The following INPP4B variants were observed in gnomAD, a reference collection of about 807,000 sequenced individuals.
INPP4B encodes the protein inositol polyphosphate-4-phosphatase type II B.
A neutral mutation model predicts 122.5 loss-of-function variants in INPP4B; 55 were observed. That is an observed-to-expected ratio of 0.45 (90% CI 0.36 to 0.56). The LOEUF (loss-of-function observed/expected upper bound fraction) is 0.56, where lower values mean the gene tolerates loss of function less well. INPP4B is among the 20% of genes least tolerant of loss of function. The probability of loss-of-function intolerance (pLI) is 0.00; values close to 1 mark genes in which losing one functional copy is unlikely to be tolerated. For synonymous variants in INPP4B, 403 were observed against 388.7 expected, an observed-to-expected ratio of 1.04 and a Z score of -0.43; for missense variants, 1,000 against 1,097.7, an observed-to-expected ratio of 0.91 and a Z score of 1.26.
chr4:142,317,014 T>C (rs1339521059), intron 7 of INPP4B, among the ~76,000 whole-genome samples: 1 of 152,138 alleles, frequency 6.6e-6, no homozygotes, highest in Non-Finnish European at 1.5e-5. Flanking sequence ...ATAATAGAAA[T>C]ATGGGCATTT....
At chr4:142,494,540 A>G (rs1203812653) in intron 2 of INPP4B, among the ~76,000 whole-genome samples, 1 of 151,930 alleles carries the variant, frequency 6.6e-6, no homozygotes, top group East Asian at 1.9e-4. Flanking sequence ...AATTCCCTCA[A>G]ATTGGAAAAT....
chr4:142,481,789 T>C (rs912448450), intron 2 of INPP4B, among the ~76,000 whole-genome samples: 2 of 152,144 alleles, frequency 1.3e-5, no homozygotes, highest in Non-Finnish European at 2.9e-5. Flanking sequence ...AGTGCAAATA[T>C]GTTATAATCT....
intron 1 of INPP4B, among the ~76,000 whole-genome samples, chr4:142,734,945 G>A (rs377219464): frequency 2.6e-5 from 4 of 152,010 alleles, no homozygotes; most frequent in African/African-American, 2.4e-5. Context: ...ATGCCTGGCC[G>A]ATTTTTTAAA....
intron 25 of INPP4B, chr4:142,030,028 A>C: frequency 2.2e-6 from 3 of 1,379,384 alleles, no homozygotes; most frequent in Non-Finnish European, 2.8e-6. Flanking sequence ...ACATTTTTTA[A>C]ATTCTGTGAA....
At chr4:142,133,207 T>C (rs949267856) in intron 18 of INPP4B, among the ~76,000 whole-genome samples, 3 of 152,172 alleles carry the variant, frequency 2.0e-5, no homozygotes, top group Non-Finnish European at 4.4e-5. Flanking sequence ...CTCTGTACAC[T>C]CAATCCCTGC....
intron 25 of INPP4B, among the ~76,000 whole-genome samples, chr4:142,078,142 C>G (rs116082546): frequency 0.011 from 1,641 of 151,052 alleles, 19 homozygotes; most frequent in African/African-American, 0.033. Context: ...TACCCGAAAG[C>G]CCCATCAGGA....
chr4:142,463,857 C>A (rs1817218134), intron 2 of INPP4B, among the ~76,000 whole-genome samples: 1 of 152,110 alleles, frequency 6.6e-6, no homozygotes, highest in African/African-American at 2.4e-5. Context: ...GAGGCCTCCC[C>A]AGCCCTGCAG....
At chr4:142,612,812 C>T (rs1388917887) in intron 2 of INPP4B, among the ~76,000 whole-genome samples, 2 of 152,074 alleles carry the variant, frequency 1.3e-5, no homozygotes, top group Admixed American at 6.6e-5. Context: ...GGATTTAACA[C>T]CCTATGAAAT....
chr4:142,782,028 A>T (rs1342631759), intron 1 of INPP4B, among the ~76,000 whole-genome samples: 4 of 151,832 alleles, frequency 2.6e-5, no homozygotes, highest in Admixed American at 2.0e-4. Flanking sequence ...CATGTGCACA[A>T]TGTGCAGGTT....
intron 15 of INPP4B, among the ~76,000 whole-genome samples, chr4:142,191,138 G>A (rs977734508): frequency 6.6e-5 from 10 of 152,156 alleles, no homozygotes; most frequent in African/African-American, 2.4e-4. Flanking sequence ...AAACATATAT[G>A]TCACCTATCA....
chr4:142,079,561 C>A (rs10519618), intron 25 of INPP4B, among the ~76,000 whole-genome samples: 2 of 151,820 alleles, frequency 1.3e-5, no homozygotes, highest in Admixed American at 1.3e-4. Context: ...GTTGTATGTG[C>A]GGTAGGAAAT....
intron 3 of INPP4B, among the ~76,000 whole-genome samples, chr4:142,436,365 G>T (rs1363317209): frequency 2.0e-5 from 3 of 152,130 alleles, no homozygotes; most frequent in Admixed American, 2.0e-4. Flanking sequence ...AGAAGAGCAG[G>T]TTTCCCTCCA....
chr4:142,338,857 G>A (rs1342177061), intron 7 of INPP4B, among the ~76,000 whole-genome samples: 1 of 152,098 alleles, frequency 6.6e-6, no homozygotes, highest in Non-Finnish European at 1.5e-5. Flanking sequence ...TCTGCCACTG[G>A]AGCACGGGCT....
chr4:142,222,435 C>A (rs554441584), intron 12 of INPP4B, among the ~76,000 whole-genome samples: 1 of 152,302 alleles, frequency 6.6e-6, no homozygotes, highest in East Asian at 1.9e-4. Flanking sequence ...GTCTAAGCCA[C>A]CATCATCAAA....
chr4:142,437,979 C>T (rs1449228483), intron 3 of INPP4B, among the ~76,000 whole-genome samples: 1 of 152,018 alleles, frequency 6.6e-6, no homozygotes, highest in East Asian at 1.9e-4. Flanking sequence ...CCTTCTCAAG[C>T]TATTTTAAAC....
intron 2 of INPP4B, among the ~76,000 whole-genome samples, chr4:142,527,714 T>C (rs1342787395): frequency 6.6e-6 from 1 of 152,070 alleles, no homozygotes; most frequent in Non-Finnish European, 1.5e-5. Context: ...TGAGATCATC[T>C]AGATTAGCAG....
At chr4:142,843,783 G>A (rs1206685980) in intron 1 of INPP4B, among the ~76,000 whole-genome samples, 1 of 151,776 alleles carries the variant, frequency 6.6e-6, no homozygotes, top group African/African-American at 2.4e-5. Flanking sequence ...CAGTTAGCAG[G>A]TTTTTTTTCT....
In INPP4B at chr4:142,111,854, CT is replaced by C. The variant is rs1309776871; in HGVS notation, c.2276+687del. 2.0e-5 allele frequency among the ~76,000 whole-genome samples: 3 copies of C among 152,188 alleles called. No homozygotes were observed. The East Asian group carries it at 5.8e-4, about 29-fold the overall frequency. On this transcript the variant is annotated intron_variant, in intron 22 of 25. Transcript: ENST00000262992. The stretch of plus-strand genomic sequence containing the variant: ...CATCTCCCGAGTTCAAAAAATTCTC[CT>C]GCCTTAGCCTCCTGAGTAGCTGGGA...
chr4:142,445,443 T>C (rs527318779), intron 3 of INPP4B, among the ~76,000 whole-genome samples: 58 of 152,210 alleles, frequency 3.8e-4, no homozygotes, highest in Middle Eastern at 3.4e-3. Flanking sequence ...TCAGACAAAA[T>C]AGATTTCACA....
Sources: allele counts gnomAD v4.1 joint callset (sites outside exome capture counted in the v4.1 genomes callset), GRCh38; gene constraint gnomAD v4.1.1; transcripts MANE v1.5; gene names NCBI Gene and HGNC (gene_info 2026-07-23, HGNC 2026-07-21).